ARHGAP15: variants seen among roughly 807,000 people sequenced by gnomAD.
The protein encoded by ARHGAP15 is rho GTPase-activating protein 15.
Under a neutral mutation model 63.7 loss-of-function variants are expected in ARHGAP15, and 51 were observed. The observed-to-expected ratio is 0.80, with a 90% CI of 0.64 to 1.01. The LOEUF (loss-of-function observed/expected upper bound fraction) is 1.01. ARHGAP15 is among the 50% of genes least tolerant of loss of function. The pLI, the probability that ARHGAP15 is intolerant of heterozygous loss-of-function variation, is 0.00. For missense variants in ARHGAP15, 560 were observed against 564.6 expected (o/e 0.99, Z 0.08); for synonymous variants, 191 against 193.8 (o/e 0.99, Z 0.12).
At chr2:143,181,891 T>A (rs1431171446) in intron 2 of ARHGAP15, among the ~76,000 whole-genome samples, 2 of 152,192 alleles carry the variant, frequency 1.3e-5, no homozygotes, top group African/African-American at 2.4e-5. Context: ...AGATTTCAGC[T>A]TAACTTGGTT....
chr2:143,137,969 C>T (rs951089880), intron 1 of ARHGAP15, among the ~76,000 whole-genome samples: 1 of 151,950 alleles, frequency 6.6e-6, no homozygotes, highest in African/African-American at 2.4e-5. Flanking sequence ...TGATGGTTCT[C>T]CTAAAGTAGA....
intron 2 of ARHGAP15, among the ~76,000 whole-genome samples, chr2:143,187,103 A>C (rs1401718886): frequency 6.6e-6 from 1 of 152,102 alleles, no homozygotes; most frequent in Non-Finnish European, 1.5e-5. Flanking sequence ...AGCTCCTTTC[A>C]CTTAGTGTCT....
chr2:143,758,271 AGT>A (rs760300180), intron 13 of ARHGAP15, among the ~76,000 whole-genome samples: 8 of 151,310 alleles, frequency 5.3e-5, no homozygotes, highest in Admixed American at 3.3e-4. Flanking sequence ...TTTATATACA[AGT>A]GTGTGTGTAT....
rs542660831 is a variant in ARHGAP15, at chr2:143,607,220, G to C, written c.1004-16913G>C. 1.1e-3 allele frequency among the ~76,000 whole-genome samples: 172 copies of C among 152,312 alleles called. 2 individuals carry two copies. Among genetic ancestry groups the C allele is most frequent in the Non-Finnish European group, 1.4e-3 (97 of 68,032 alleles). ...TCTATGATGTTTCAGGTGGGGCAGA[G>C]TGTGAGAAGACAACTCAAAAAGAGG... On this transcript the variant is annotated intron_variant, in intron 11 of 13. Transcript: ENST00000295095.
intron 13 of ARHGAP15, among the ~76,000 whole-genome samples, chr2:143,724,934 A>G (rs1685215155): frequency 6.6e-6 from 1 of 152,236 alleles, no homozygotes; most frequent in South Asian, 2.1e-4. Flanking sequence ...TTTCAATCAG[A>G]AATGTCTAAT....
At chr2:143,180,458 C>T (rs1194643616) in intron 2 of ARHGAP15, among the ~76,000 whole-genome samples, 1 of 152,166 alleles carries the variant, frequency 6.6e-6, no homozygotes, top group Non-Finnish European at 1.5e-5. Flanking sequence ...GCATTGAAGT[C>T]CTGAACCCCT....
rs560843076 is a variant in ARHGAP15 at position 143,558,361 on chromosome 2, T to C, written c.1003+1876T>C. ...TCTTCAAGGCCCAGATTATAGCAAT[T>C]TCATTCAATAAGCCTCCAGTCAGAT... On this transcript the variant is annotated intron_variant, in intron 11 of 13. Coordinates refer to ENST00000295095, the MANE Select transcript of ARHGAP15 (RefSeq NM_018460.4). Among the ~76,000 whole-genome samples, 62 of 152,214 alleles carry C rather than the reference T, an allele frequency of 4.1e-4. No homozygotes were observed. In the South Asian group the frequency reaches 0.012, roughly 29 times the overall value.
At chr2:143,563,816 T>G (rs1051088840) in intron 11 of ARHGAP15, 2 of 152,264 alleles carry the variant, frequency 1.3e-5, no homozygotes, top group African/African-American at 4.8e-5. Context: ...CTAACAACAC[T>G]GTAGCACTGG....
intron 10 of ARHGAP15, among the ~76,000 whole-genome samples, chr2:143,539,529 T>A (rs899923351): frequency 6.6e-6 from 1 of 152,180 alleles, no homozygotes; most frequent in Non-Finnish European, 1.5e-5. Context: ...TGCTGTAAAT[T>A]TCCCCCTACG....
At chr2:143,318,011 T>C (rs1182400560) in intron 6 of ARHGAP15, among the ~76,000 whole-genome samples, 2 of 152,088 alleles carry the variant, frequency 1.3e-5, no homozygotes, top group Non-Finnish European at 2.9e-5. Flanking sequence ...TTTTATCCTT[T>C]TTTTTTTCTT....
At chr2:143,288,762 G>A (rs1052089229) in intron 6 of ARHGAP15, among the ~76,000 whole-genome samples, 1 of 151,162 alleles carries the variant, frequency 6.6e-6, no homozygotes, top group Non-Finnish European at 1.5e-5. Context: ...TATTAAAGGT[G>A]CCATCTCAGC....
At chr2:143,735,527 TTC>T (rs561475506) in intron 13 of ARHGAP15, among the ~76,000 whole-genome samples, 74 of 152,332 alleles carry the variant, frequency 4.9e-4, no homozygotes, top group African/African-American at 1.8e-3. Flanking sequence ...GCAAGTAAGC[TTC>T]TCTCTCACTG....
At chr2:143,629,913 A>T (rs1405385906) in intron 12 of ARHGAP15, among the ~76,000 whole-genome samples, 2 of 152,190 alleles carry the variant, frequency 1.3e-5, no homozygotes, top group Non-Finnish European at 2.9e-5. Flanking sequence ...GAGAAGTTAT[A>T]AATGCACATA....
chr2:143,633,900 A>G (rs1680172280), intron 12 of ARHGAP15, among the ~76,000 whole-genome samples: 1 of 152,032 alleles, frequency 6.6e-6, no homozygotes, highest in South Asian at 2.1e-4. Context: ...GTCCTCTAAA[A>G]TATCTGCCCA....
chr2:143,413,506 TCAGA>T (rs1024538096), intron 6 of ARHGAP15, among the ~76,000 whole-genome samples: 26 of 152,192 alleles, frequency 1.7e-4, no homozygotes, highest in African/African-American at 5.8e-4. Context: ...ATTGATTGAT[TCAGA>T]CAGTCAATCA....
At chr2:143,425,569 C>A (rs1354541730) in intron 6 of ARHGAP15, among the ~76,000 whole-genome samples, 1 of 151,918 alleles carries the variant, frequency 6.6e-6, no homozygotes, top group African/African-American at 2.4e-5. Flanking sequence ...ATGTCAGATG[C>A]TTTTTCATGT....
chr2:143,694,964 A>G (rs1683777432), intron 12 of ARHGAP15, among the ~76,000 whole-genome samples: 1 of 152,194 alleles, frequency 6.6e-6, no homozygotes, highest in Non-Finnish European at 1.5e-5. Flanking sequence ...TATAAATTTA[A>G]TTGGTCTACC....
intron 12 of ARHGAP15, among the ~76,000 whole-genome samples, chr2:143,670,569 C>T (rs973833300): frequency 1.3e-5 from 2 of 152,122 alleles, no homozygotes; most frequent in Non-Finnish European, 2.9e-5. Context: ...TCACTGGAGA[C>T]CAGAAGCCTC....
At chr2:143,681,270 A>G (rs981573203) in intron 12 of ARHGAP15, among the ~76,000 whole-genome samples, 3 of 152,184 alleles carry the variant, frequency 2.0e-5, no homozygotes, top group Non-Finnish European at 2.9e-5. Flanking sequence ...ATGCAGTTCA[A>G]TGTGATACTA....
Sources: gnomAD v4.1 joint callset for allele counts (sites outside exome capture counted in the v4.1 genomes callset) on GRCh38, gnomAD v4.1.1 for gene constraint, MANE v1.5 for transcripts, NCBI Gene and HGNC (gene_info 2026-07-23, HGNC 2026-07-21) for gene names.